The following LEUTX variants were observed in gnomAD, a reference collection of about 807,000 sequenced individuals.
LEUTX encodes the protein paired-like homeodomain transcription factor LEUTX.
A neutral mutation model predicts 4.5 loss-of-function variants in LEUTX; 5 were observed. The ratio of observed to expected loss-of-function variants is 1.11; its 90% CI spans 0.58 to 2.34. LEUTX has a LOEUF of 2.34. LEUTX is among the 30% of genes most tolerant of loss of function. LEUTX has a pLI of 0.01. For synonymous variants in LEUTX, 89 were observed against 85.1 expected (o/e 1.05, Z -0.25); for missense variants, 233 against 239.4 (o/e 0.97, Z 0.18).
At chr19:39,776,683 G>A (rs1018013941), upstream of LEUTX, 1 of 455,596 alleles carries the variant, frequency 2.2e-6, no homozygotes, top group African/African-American at 2.0e-5. Flanking sequence ...AAGGTGAGGC[G>A]ATTTTTTTCT....
upstream of LEUTX, among the ~76,000 whole-genome samples, chr19:39,778,240 A>G (rs1272368836): frequency 2.6e-5 from 4 of 152,194 alleles, no homozygotes; most frequent in African/African-American, 9.6e-5. Flanking sequence ...CTTTTAATGC[A>G]ATTTATATTT....
In LEUTX at chr19:39,785,879, A is replaced by G. The variant is rs577998458; in HGVS notation, c.341A>G (p.Asp114Gly). 2.0e-5 allele frequency: 31 copies of G among 1,551,794 alleles called. No individual in the cohort carries two copies. The South Asian group carries it at 3.4e-4, about 17-fold the overall frequency. ...SPGISDANDH[D>G]LREPSGIKNP... ...GGAATCTCTGATGCAAATGACCATGATCTACGTGAGCCTTCTGGTATCAAG... is the reference window on the plus strand; with the variant it reads ...GGAATCTCTGATGCAAATGACCATGGTCTACGTGAGCCTTCTGGTATCAAG... Residue 114 changes from aspartate (D) to glycine (G), a missense_variant, in exon 3 of 3, where the codon GAT (aspartate) becomes GGT (glycine). Coordinates refer to ENST00000638280, the MANE Select transcript of LEUTX (RefSeq NM_001382345.1).
upstream of LEUTX, chr19:39,776,689 T>C (rs566709407): frequency 6.6e-6 from 3 of 455,672 alleles, no homozygotes; most frequent in Non-Finnish European, 1.3e-5. Flanking sequence ...AGGCGATTTT[T>C]TTCTTTCATT....
upstream of LEUTX, among the ~76,000 whole-genome samples, chr19:39,778,430 T>C (rs1240701535): frequency 6.6e-6 from 1 of 151,982 alleles, no homozygotes; most frequent in South Asian, 2.1e-4. Context: ...ACTCCCATCA[T>C]CCCAAACTCC....
intron 2 of LEUTX, among the ~76,000 whole-genome samples, chr19:39,785,039 C>A (rs1967944492): frequency 6.6e-6 from 1 of 152,146 alleles, no homozygotes; most frequent in African/African-American, 2.4e-5. Flanking sequence ...CACAGTCATC[C>A]AGATGCCTGT....
intron 1 of LEUTX, among the ~76,000 whole-genome samples, chr19:39,784,121 T>A (rs1428599400): frequency 2.0e-5 from 3 of 152,188 alleles, no homozygotes; most frequent in African/African-American, 7.2e-5. Context: ...TATTATTTTT[T>A]ATTTATGCTC....
chr19:39,782,897 G>A (rs77397614), intron 1 of LEUTX, among the ~76,000 whole-genome samples: 1,603 of 151,778 alleles, frequency 0.011, 32 homozygotes, highest in African/African-American at 0.035. Flanking sequence ...TTGTATTTTC[G>A]TAGGCTATTG....
At chr19:39,784,877 G>A (rs1967940994) in intron 2 of LEUTX, among the ~76,000 whole-genome samples, 199 bp downstream of exon 2, 1 of 152,172 alleles carries the variant, frequency 6.6e-6, no homozygotes, top group East Asian at 1.9e-4. Flanking sequence ...TGTCTTCCAA[G>A]CATTATAAAC....
chr19:39,783,272 T>A lies in LEUTX; in HGVS notation c.8-1255T>A, dbSNP rs534534436. On this transcript the variant is annotated intron_variant, in intron 1 of 2. Transcript: ENST00000638280. ...TATATATATATAAATTATATATATA[T>A]AAATTATAATATTTGTATTATATAT... Among the ~76,000 whole-genome samples the A allele has an allele frequency of 1.7e-4, 25 of 146,830 alleles. No individual in the cohort carries two copies. In the South Asian group the frequency reaches 4.4e-3, roughly 26 times the overall value.
At chr19:39,779,026 C>G (rs1599615564) in intron 1 of LEUTX, 99 bp downstream of exon 1, 1 of 152,090 alleles carries the variant, frequency 6.6e-6, no homozygotes, top group African/African-American at 2.4e-5. Flanking sequence ...TTAGAAACCA[C>G]TGGGTAAATT....
intron 2 of LEUTX, 98 bp from the exon 3 acceptor site, chr19:39,785,600 A>T: frequency 4.8e-6 from 4 of 839,976 alleles, no homozygotes; most frequent in Non-Finnish European, 7.4e-6. Context: ...TAAATGTGAG[A>T]CTCTCTCTCA....
rs116500063 is a variant in LEUTX at position 39,785,588 on chromosome 19, A to T, written c.160-110A>T. The T allele has an allele frequency of 1.6e-3, 1,312 of 806,466 alleles. 14 individuals carry two copies. The African/African-American group carries it at 0.021, about 13-fold the overall frequency. 50.0% of individuals were successfully genotyped at this position (806,466 alleles called of 1,614,324 possible). ...GAGTAGAAAGGGCTTCCCTTGTTCCAATAAATGTGAGACTCTCTCTCACAC... is the reference window on the plus strand; with the variant it reads ...GAGTAGAAAGGGCTTCCCTTGTTCCTATAAATGTGAGACTCTCTCTCACAC... On this transcript the variant is annotated intron_variant, in intron 2 of 2. Coordinates refer to ENST00000638280, the MANE Select transcript of LEUTX (RefSeq NM_001382345.1).
upstream of LEUTX, among the ~76,000 whole-genome samples, chr19:39,776,894 A>G (rs996396875): frequency 2.9e-4 from 44 of 152,268 alleles, no homozygotes; most frequent in African/African-American, 1.1e-3. Context: ...GAAAAAAGGG[A>G]AAGAAAGTGA....
intron 1 of LEUTX, among the ~76,000 whole-genome samples, chr19:39,781,916 G>C (rs149231405): frequency 2.2e-4 from 33 of 152,276 alleles, no homozygotes; most frequent in African/African-American, 7.7e-4. Context: ...CTGGGACCAT[G>C]TTATTGTTAA....
At chr19:39,784,947 AC>A (rs1251134925) in intron 2 of LEUTX, among the ~76,000 whole-genome samples, 1 of 151,922 alleles carries the variant, frequency 6.6e-6, no homozygotes, top group Non-Finnish European at 1.5e-5. Flanking sequence ...GCTACACAGG[AC>A]TCTTTGAGGC....
chr19:39,777,928 G>A (rs1394156724), upstream of LEUTX, among the ~76,000 whole-genome samples: 1 of 152,206 alleles, frequency 6.6e-6, no homozygotes, highest in Admixed American at 6.5e-5. Context: ...CCAACCTGGT[G>A]GGGGTGTGGA....
rs759722545 is a variant in LEUTX, at chr19:39,785,784, GACA to G, written c.249_251del (p.Thr84del). 1.0e-5 allele frequency: 16 copies of G among 1,551,636 alleles called. No homozygotes were observed. The highest frequency in any genetic ancestry group is 1.4e-5 in the Non-Finnish European group (16 of 1,147,012). On this transcript the variant is annotated inframe_deletion, in exon 3 of 3. Coordinates refer to ENST00000638280, the MANE Select transcript of LEUTX (RefSeq NM_001382345.1). ...GGCCATCACTAGGGCCAGCAAACCA[GACA>G]ACTTCAGTGAAGAAGGAGGAGACTC...
chr19:39,785,399 C>T (rs1188207775), intron 2 of LEUTX, among the ~76,000 whole-genome samples: 1 of 151,786 alleles, frequency 6.6e-6, no homozygotes, highest in Non-Finnish European at 1.5e-5. Context: ...GATTGCAGCA[C>T]TGCACTCCAG....
At chr19:39,782,037 T>A (rs1967894696) in intron 1 of LEUTX, among the ~76,000 whole-genome samples, 1 of 152,138 alleles carries the variant, frequency 6.6e-6, no homozygotes, top group Non-Finnish European at 1.5e-5. Context: ...TCTCCTTCCC[T>A]ACAGACCCCA....
Sources: gnomAD v4.1 joint callset for allele counts (sites outside exome capture counted in the v4.1 genomes callset) on GRCh38, gnomAD v4.1.1 for gene constraint, MANE v1.5 for transcripts, NCBI Gene and HGNC (gene_info 2026-07-23, HGNC 2026-07-21) for gene names.